MDGA2: variants seen among roughly 807,000 people sequenced by gnomAD.
The protein encoded by MDGA2 is MAM domain containing glycosylphosphatidylinositol anchor 2, also known as MAM domain-containing glycosylphosphatidylinositol anchor protein 2.
A neutral mutation model predicts 117.8 loss-of-function variants in MDGA2; 40 were observed. The ratio of observed to expected loss-of-function variants is 0.34; its 90% CI spans 0.26 to 0.44. MDGA2 has a LOEUF of 0.44. Among genes scored for constraint, MDGA2 ranks in the 20% least tolerant of loss-of-function variants. The pLI, the probability that MDGA2 is intolerant of heterozygous loss-of-function variation, is 1.00. For missense variants in MDGA2, 1,123 were observed against 1,250.6 expected, an observed-to-expected ratio of 0.90 and a Z score of 1.54; for synonymous variants, 452 against 439.0, an observed-to-expected ratio of 1.03 and a Z score of -0.37.
chr14:47,595,770 G>A (rs1896531697), intron 1 of MDGA2, among the ~76,000 whole-genome samples: 1 of 152,080 alleles, frequency 6.6e-6, no homozygotes, highest in Admixed American at 6.6e-5. Context: ...AAGGGCATAA[G>A]GCATATAGTG....
intron 1 of MDGA2, among the ~76,000 whole-genome samples, chr14:47,448,232 C>A (rs1211131773): frequency 6.6e-6 from 1 of 151,952 alleles, no homozygotes; most frequent in Non-Finnish European, 1.5e-5. Flanking sequence ...CTCACTGCAA[C>A]CTCCACCTCC....
intron 9 of MDGA2, among the ~76,000 whole-genome samples, chr14:46,938,143 T>C (rs1263134784): frequency 6.6e-6 from 1 of 152,164 alleles, no homozygotes; most frequent in Non-Finnish European, 1.5e-5. Flanking sequence ...GCTAATGATC[T>C]GAATAGACAT....
At chr14:47,418,417 G>A (rs933811073) in intron 1 of MDGA2, among the ~76,000 whole-genome samples, 2 of 152,274 alleles carry the variant, frequency 1.3e-5, no homozygotes, top group Middle Eastern at 3.4e-3. Context: ...TGGAGGCTGT[G>A]AAGTCCAAGA....
chr14:46,919,973 G>A (rs769338345), intron 10 of MDGA2, 39 bp downstream of exon 10: 3 of 1,529,152 alleles, frequency 2.0e-6, no homozygotes, highest in Non-Finnish European at 2.6e-6. Context: ...TCTTCACAGA[G>A]GACCACAAAG....
At chr14:47,037,253 G>A (rs1255243129) in intron 7 of MDGA2, among the ~76,000 whole-genome samples, 1 of 152,078 alleles carries the variant, frequency 6.6e-6, no homozygotes, top group Non-Finnish European at 1.5e-5. Flanking sequence ...CACAATTAAG[G>A]ATTTTATGCT....
intron 9 of MDGA2, among the ~76,000 whole-genome samples, chr14:46,923,622 G>T (rs1884216615): frequency 6.6e-6 from 1 of 151,956 alleles, no homozygotes; most frequent in Non-Finnish European, 1.5e-5. Flanking sequence ...TTAAATATAG[G>T]CATGCTTACT....
At chr14:47,208,156 T>C (rs906864852) in intron 3 of MDGA2, among the ~76,000 whole-genome samples, 1 of 151,996 alleles carries the variant, frequency 6.6e-6, no homozygotes, top group African/African-American at 2.4e-5. Flanking sequence ...GCTTTTTTAC[T>C]CTCTCTGAGA....
chr14:47,529,747 A>G (rs543617675), intron 1 of MDGA2, among the ~76,000 whole-genome samples: 44 of 152,268 alleles, frequency 2.9e-4, no homozygotes, highest in African/African-American at 8.7e-4. Flanking sequence ...AGTTGTTTTG[A>G]TGGGTAGGGG....
intron 1 of MDGA2, among the ~76,000 whole-genome samples, chr14:47,360,515 A>G (rs116932500): frequency 0.011 from 1,743 of 152,256 alleles, 19 homozygotes; most frequent in Non-Finnish European, 0.019. Context: ...GCAAATTAAA[A>G]CAACAATGAA....
At chr14:47,276,667 T>A (rs1379459551) in intron 2 of MDGA2, among the ~76,000 whole-genome samples, 2 of 152,192 alleles carry the variant, frequency 1.3e-5, no homozygotes, top group South Asian at 2.1e-4. Flanking sequence ...ATTCTGTAAT[T>A]GCCAATGTCT....
chr14:46,866,043 T>A (rs1236959515), intron 14 of MDGA2, among the ~76,000 whole-genome samples: 1 of 151,192 alleles, frequency 6.6e-6, no homozygotes, highest in Non-Finnish European at 1.5e-5. Flanking sequence ...AAAAACTACT[T>A]TAAAGTTCAT....
chr14:47,162,319 T>TATA (rs2139281407), intron 3 of MDGA2, among the ~76,000 whole-genome samples: 1 of 152,226 alleles, frequency 6.6e-6, no homozygotes, highest in East Asian at 1.9e-4. Flanking sequence ...TCTTAGACTG[T>TATA]ATAATATAAA....
chr14:47,055,818 G>C (rs1031654654), intron 7 of MDGA2, among the ~76,000 whole-genome samples: 13 of 152,122 alleles, frequency 8.5e-5, no homozygotes, highest in East Asian at 3.9e-4. Flanking sequence ...TAGCAGAGTG[G>C]AATAGTTGTG....
intron 7 of MDGA2, among the ~76,000 whole-genome samples, chr14:47,046,855 A>G (rs1423676695): frequency 1.3e-5 from 2 of 152,074 alleles, no homozygotes; most frequent in South Asian, 2.1e-4. Context: ...GCTCTTAGAA[A>G]TGGTGCCATG....
intron 8 of MDGA2, among the ~76,000 whole-genome samples, chr14:46,982,734 A>AAAAAAAAAAACAAAAAAAAAAAT (rs1449356596): frequency 7.7e-6 from 1 of 130,326 alleles, no homozygotes. Flanking sequence ...AAAAAAAAAA[A>AAAAAAAAAAACAAAAAAAAAAAT]AATCATGTCA....
chr14:46,861,583 G>C (rs188831629), intron 14 of MDGA2, among the ~76,000 whole-genome samples: 1 of 151,866 alleles, frequency 6.6e-6, no homozygotes, highest in African/African-American at 2.4e-5. Context: ...ATTCAATTGT[G>C]GCTAGATGTT....
chr14:47,560,413 G>A (rs1366833458), intron 1 of MDGA2, among the ~76,000 whole-genome samples: 1 of 152,110 alleles, frequency 6.6e-6, no homozygotes, highest in East Asian at 1.9e-4. Context: ...ACTGTTGTGA[G>A]GTGGTATCTC....
At chr14:47,620,557 C>G (rs78667828) in intron 1 of MDGA2, among the ~76,000 whole-genome samples, 1 of 152,112 alleles carries the variant, frequency 6.6e-6, no homozygotes, top group Admixed American at 6.5e-5. Flanking sequence ...GCAGGATAAC[C>G]TAATTGTTTC....
At chr14:47,130,046 T>A (rs1306766483) in intron 5 of MDGA2, among the ~76,000 whole-genome samples, 1 of 151,666 alleles carries the variant, frequency 6.6e-6, no homozygotes, top group African/African-American at 2.4e-5. Context: ...GTAGGTTGCC[T>A]GTTCACTCTG....
Sources: allele counts gnomAD v4.1 joint callset (sites outside exome capture counted in the v4.1 genomes callset), GRCh38; gene constraint gnomAD v4.1.1; transcripts MANE v1.5; gene names NCBI Gene and HGNC (gene_info 2026-07-23, HGNC 2026-07-21).